The following SKP1 variants were observed in gnomAD, a reference collection of about 807,000 sequenced individuals.
SKP1 encodes the protein S-phase kinase-associated protein 1.
A neutral mutation model predicts 21.5 loss-of-function variants in SKP1; 1 was observed. The ratio of observed to expected loss-of-function variants is 0.05; its 90% CI spans 0.02 to 0.22. The LOEUF is 0.22. SKP1 is among the 10% of genes least tolerant of loss of function. SKP1 has a pLI of 1.00. For synonymous variants in SKP1, 59 were observed against 59.3 expected, an observed-to-expected ratio of 0.99 and a Z score of 0.03; for missense variants, 70 against 192.0, an observed-to-expected ratio of 0.36 and a Z score of 3.76.
chr5:134,176,346 G>A (rs574245501), intron 1 of SKP1, among the ~76,000 whole-genome samples: 1 of 152,244 alleles, frequency 6.6e-6, no homozygotes, highest in East Asian at 1.9e-4. Flanking sequence ...GTGGAGAAAG[G>A]ATGGGAGCCA....
chr5:134,149,614 G>C lies in SKP1; in HGVS notation c.*8119C>G, dbSNP rs1761009675. 2.0e-5 allele frequency: 3 copies of C among 152,226 alleles called. No homozygotes were observed. Among genetic ancestry groups the C allele is most frequent in the African/African-American group, 7.2e-5 (3 of 41,462 alleles). The allele number at this position is 152,226 out of a possible 1,614,324, so 9.4% of individuals were successfully genotyped here. A position where few individuals can be genotyped will look rare whatever the true frequency, so the allele number is the denominator to read the frequency against. On this transcript the variant is annotated 3_prime_UTR_variant, in exon 6 of 6. Coordinates refer to ENST00000353411, the MANE Select transcript of SKP1 (RefSeq NM_170679.3). ...TAACCCCAGACTTGCTTTTGCTTCT[G>C]AGAGAGTGCTAGAGGACACTAGCCA...
At position 134,166,308 on chromosome 5, in the gene SKP1, C is replaced by T. The variant is rs370060608; in HGVS notation, c.171+862G>A. The stretch of plus-strand genomic sequence containing the variant: ...CTTAAGAATGGGGGAGAATGCTGGG[C>T]GCGGTGGCTCACACCTGTGATCCCA... On this transcript the variant is annotated intron_variant, in intron 3 of 5. Coordinates refer to ENST00000353411, the MANE Select transcript of SKP1 (RefSeq NM_170679.3). 3.3e-4 allele frequency among the ~76,000 whole-genome samples: 50 copies of T among 150,630 alleles called. 1 individual carries two copies. The highest frequency in any genetic ancestry group is 2.2e-3 in the East Asian group (11 of 5,108).
rs980861940 is a variant in SKP1 at position 134,157,642 on chromosome 5, A to G, written c.*91T>C. Reference sequence around the variant, plus strand: ...AATTGACTTGCTGCTGCATTTGTCTACTGTTTGTCTAATATTAACAATTAT... The same window carrying G: ...AATTGACTTGCTGCTGCATTTGTCTGCTGTTTGTCTAATATTAACAATTAT... On this transcript the variant is annotated 3_prime_UTR_variant, in exon 6 of 6. Coordinates refer to ENST00000353411, the MANE Select transcript of SKP1 (RefSeq NM_170679.3). 2 of 1,047,894 alleles carry G rather than the reference A, an allele frequency of 1.9e-6. No individual in the cohort carries two copies. The highest frequency in any genetic ancestry group is 3.1e-5 in the African/African-American group (2 of 63,930). 64.9% of individuals were successfully genotyped at this position (1,047,894 alleles called of 1,614,324 possible).
At chr5:134,158,693 G>T in intron 4 of SKP1, 98 bp from the exon 5 acceptor site, 1 of 1,058,290 alleles carries the variant, frequency 9.4e-7, no homozygotes, top group Non-Finnish European at 1.4e-6. Flanking sequence ...AGCTTAAAAT[G>T]CTAATTTTAA....
chr5:134,174,073 G>A (rs1248033090), intron 1 of SKP1, 51 bp from the exon 2 acceptor site: 8 of 1,134,926 alleles, frequency 7.0e-6, no homozygotes, highest in Admixed American at 1.7e-5. Flanking sequence ...AGTTCTACAT[G>A]ACATTTCATC....
In SKP1 at chr5:134,167,350, T is replaced by C. The variant is rs1211098980; in HGVS notation, c.98-107A>G. 9 of 724,712 alleles carry C rather than the reference T, an allele frequency of 1.2e-5. No individual in the cohort carries two copies. In the East Asian group the frequency reaches 2.0e-4, roughly 16 times the overall value. The allele number at this position is 724,712 out of a possible 1,614,324, so 44.9% of individuals were successfully genotyped here. The stretch of plus-strand genomic sequence containing the variant: ...AGTCAGCCCCCATATCCATGAGTTC[T>C]ACATCTGTGGATTCAACCAACCACA... On this transcript the variant is annotated intron_variant, in intron 2 of 5. Transcript: ENST00000353411.
chr5:134,158,693 G>C (rs1008484764), intron 4 of SKP1, 98 bp from the exon 5 acceptor site: 4 of 1,058,294 alleles, frequency 3.8e-6, no homozygotes, highest in Non-Finnish European at 1.4e-6. Context: ...AGCTTAAAAT[G>C]CTAATTTTAA....
chr5:134,159,321 T>G (rs1359768180), intron 4 of SKP1, among the ~76,000 whole-genome samples: 1 of 152,204 alleles, frequency 6.6e-6, no homozygotes, highest in Non-Finnish European at 1.5e-5. Flanking sequence ...CCTTTCTGTT[T>G]GTGATTTCTA....
chr5:134,152,641 A>T lies in SKP1; in HGVS notation c.*5092T>A, dbSNP rs895944089. The T allele has an allele frequency of 1.3e-5, 2 of 152,162 alleles. No homozygotes were observed. Among genetic ancestry groups the T allele is most frequent in the African/African-American group, 4.8e-5 (2 of 41,400 alleles). 9.4% of individuals were successfully genotyped at this position (152,162 alleles called of 1,614,324 possible). On this transcript the variant is annotated 3_prime_UTR_variant, in exon 6 of 6. Transcript: ENST00000353411. ...ACTGCAACTTCCGCCTCCCGGGTTC[A>T]AGCGGTTCTCCTGCCTCAGCCTCCC...
At chr5:134,159,473 T>C (rs28847142) in intron 4 of SKP1, among the ~76,000 whole-genome samples, 43,982 of 151,642 alleles carry the variant, frequency 0.29, 8,435 homozygotes, top group African/African-American at 0.52. Flanking sequence ...CTCTACCTCC[T>C]AGGTTCAGCC....
At chr5:134,163,100 A>G (rs1215576404) in intron 3 of SKP1, among the ~76,000 whole-genome samples, 2 of 151,592 alleles carry the variant, frequency 1.3e-5, no homozygotes, top group African/African-American at 4.9e-5. Flanking sequence ...CTATGGTCCC[A>G]GCTACTCAGA....
intron 2 of SKP1, among the ~76,000 whole-genome samples, chr5:134,171,619 T>G (rs1276519179): frequency 6.6e-6 from 1 of 152,238 alleles, no homozygotes; most frequent in Non-Finnish European, 1.5e-5. Flanking sequence ...AAACCCATTT[T>G]CAGCTCTACC....
At chr5:134,159,321 TG>T (rs764288487) in intron 4 of SKP1, among the ~76,000 whole-genome samples, 85 of 152,320 alleles carry the variant, frequency 5.6e-4, no homozygotes, top group Non-Finnish European at 1.1e-3. Context: ...CCTTTCTGTT[TG>T]TGATTTCTAA....
chr5:134,173,843 G>C, intron 2 of SKP1, 83 bp downstream of exon 2: 1 of 818,810 alleles, frequency 1.2e-6, no homozygotes, highest in Admixed American at 1.7e-5. Flanking sequence ...CCTTATGACA[G>C]GCTGCTGCTC....
intron 3 of SKP1, among the ~76,000 whole-genome samples, chr5:134,166,248 G>GAA (rs369783220): frequency 5.5e-5 from 8 of 145,202 alleles, no homozygotes; most frequent in South Asian, 4.3e-4. Flanking sequence ...TTGTTATATG[G>GAA]AAAAAAAAAA....
intron 1 of SKP1, 83 bp from the exon 2 acceptor site, chr5:134,174,105 TCTAA>T (rs766249847): frequency 8.0e-5 from 67 of 836,188 alleles, no homozygotes; most frequent in Admixed American, 2.0e-4. Context: ...ATCAGAAGGC[TCTAA>T]CTTATTGACC....
At chr5:134,175,363 G>A (rs1449620781) in intron 1 of SKP1, 2 of 152,192 alleles carry the variant, frequency 1.3e-5, no homozygotes, top group East Asian at 3.8e-4. Flanking sequence ...GTTGCTTAGC[G>A]CTTGCCAATA....
Position 134,151,797 on chromosome 5 carries a change from C to T in SKP1, c.*5936G>A, listed in dbSNP as rs1337306411. 1.0e-5 allele frequency: 4 copies of T among 395,850 alleles called. No individual in the cohort carries two copies. Among genetic ancestry groups the T allele is most frequent in the African/African-American group, 2.1e-5 (1 of 48,134 alleles). The allele number at this position is 395,850 out of a possible 1,614,324, so 24.5% of individuals were successfully genotyped here. On this transcript the variant is annotated 3_prime_UTR_variant, in exon 6 of 6. Transcript: ENST00000353411. The stretch of plus-strand genomic sequence containing the variant: ...CAGAGGTAGCCAGCAGTACACAAGA[C>T]TGCAAGGCAACAAGTACATTATCAA...
At position 134,157,918 on chromosome 5, in the gene SKP1, C is replaced by T. The variant is rs375018653; in HGVS notation, c.457-150G>A. ...CAACACCAGGTTAAGACTATATTTC[C>T]GGATTTCCTTTCTTTGCCTCCCATG... On this transcript the variant is annotated intron_variant, in intron 5 of 5. Transcript: ENST00000353411. 225 of 1,555,330 alleles carry T rather than the reference C, an allele frequency of 1.4e-4. 1 individual carries two copies. The highest frequency in any genetic ancestry group is 1.1e-3 in the East Asian group (45 of 41,480).
Sources: gnomAD v4.1 joint callset for allele counts (sites outside exome capture counted in the v4.1 genomes callset) on GRCh38, gnomAD v4.1.1 for gene constraint, MANE v1.5 for transcripts, NCBI Gene and HGNC (gene_info 2026-07-23, HGNC 2026-07-21) for gene names.